Variants in XIRP2 observed in about 807,000 individuals in gnomAD.
The protein encoded by XIRP2 is xin actin binding repeat containing 2.
XIRP2 carries 236 observed loss-of-function variants against 277.0 expected under a neutral mutation model. The ratio of observed to expected loss-of-function variants is 0.85; its 90% confidence interval spans 0.77 to 0.95. The LOEUF (loss-of-function observed/expected upper bound fraction) is 0.95, where lower values mean the gene tolerates loss of function less well. Among genes scored for constraint, XIRP2 ranks in the 40% least tolerant of loss-of-function variants. The pLI is 0.00. For synonymous variants in XIRP2, 1,490 were observed against 1,416.5 expected, an observed-to-expected ratio of 1.05 and a Z score of -1.17; for missense variants, 4,640 against 4,157.5, an observed-to-expected ratio of 1.12 and a Z score of -3.19.
chr2:167,087,030 A>C (rs1689970506), intron 2 of XIRP2, among the ~76,000 whole-genome samples: 2 of 150,568 alleles, frequency 1.3e-5, no homozygotes, highest in South Asian at 4.2e-4. Flanking sequence ...TGCGTTTTAG[A>C]GTTTCCAGTT....
chr2:167,033,339 G>T (rs1480701382), intron 2 of XIRP2, among the ~76,000 whole-genome samples: 1 of 152,102 alleles, frequency 6.6e-6, no homozygotes, highest in African/African-American at 2.4e-5. Flanking sequence ...ACCTAATGTA[G>T]ATGAGGGGTT....
intron 2 of XIRP2, among the ~76,000 whole-genome samples, chr2:167,126,465 A>G (rs1691209268): frequency 6.6e-6 from 1 of 152,172 alleles, no homozygotes; most frequent in African/African-American, 2.4e-5. Context: ...TACATTACAC[A>G]GGAGCATACA....
chr2:166,988,555 G>A (rs941875137), intron 2 of XIRP2, among the ~76,000 whole-genome samples: 6 of 143,468 alleles, frequency 4.2e-5, no homozygotes, highest in East Asian at 2.4e-4. Context: ...CTGAGGTACC[G>A]GGTTCATCTC....
At position 167,250,280 on chromosome 2, in the gene XIRP2, A is replaced by C. The variant is rs775677870; in HGVS notation, c.8888A>C (p.Gln2963Pro). The change falls in exon 9 of 11, where the codon CAG (glutamine) becomes CCG (proline). Residue 2963 changes from glutamine to proline, a missense_variant. By Grantham distance (76) the Gln-to-Pro change is moderately conservative. Transcript: ENST00000409195. ...ELQQILSRVK[Q>P]FEAEPNKSGL... ...CAACAGATTTTGTCGAGAGTGAAAC[A>C]GTTTGAAGCAGAGCCAAATAAAAGT... 3.7e-6 allele frequency: 6 copies of C among 1,613,050 alleles called. No homozygotes were observed. Among genetic ancestry groups the C allele is most frequent in the Non-Finnish European group, 5.1e-6 (6 of 1,179,580 alleles).
chr2:167,214,964 C>T (rs762961450), intron 4 of XIRP2, among the ~76,000 whole-genome samples: 2 of 152,170 alleles, frequency 1.3e-5, no homozygotes, highest in African/African-American at 4.8e-5. Flanking sequence ...GGAGAGCATC[C>T]GGTCATAAGC....
intron 2 of XIRP2, among the ~76,000 whole-genome samples, chr2:166,938,358 T>C (rs192705467): frequency 6.6e-6 from 1 of 152,330 alleles, no homozygotes; most frequent in African/African-American, 2.4e-5. Context: ...ATGTACCCAG[T>C]AGTCATTCAG....
At chr2:167,016,458 G>A (rs1687829780) in intron 2 of XIRP2, among the ~76,000 whole-genome samples, 1 of 152,000 alleles carries the variant, frequency 6.6e-6, no homozygotes, top group East Asian at 1.9e-4. Flanking sequence ...GCAAGACAAA[G>A]CAAAACAAAA....
At chr2:166,978,694 T>A (rs557987892) in intron 2 of XIRP2, among the ~76,000 whole-genome samples, 40 of 152,216 alleles carry the variant, frequency 2.6e-4, no homozygotes, top group Middle Eastern at 3.4e-3. Flanking sequence ...TAAAAAATAA[T>A]TTTTCTAGCC....
chr2:167,250,497 G>GTCC lies in XIRP2; in HGVS notation c.9109_9111dup (p.Ser3037dup). ...AAAATATAATTCAGACAGCCATGAT[G>GTCC]TCCTCCAAAACAGGAAAACCGGGAA... On this transcript the variant is annotated inframe_insertion, in exon 9 of 11. Coordinates refer to ENST00000409195, the MANE Select transcript of XIRP2 (RefSeq NM_152381.6). 1.2e-6 allele frequency: 2 copies of GTCC among 1,613,564 alleles called. No homozygotes were observed. The highest frequency in any genetic ancestry group is 1.7e-6 in the Non-Finnish European group (2 of 1,179,712).
At chr2:166,941,489 C>A (rs753374460) in intron 2 of XIRP2, among the ~76,000 whole-genome samples, 1 of 152,204 alleles carries the variant, frequency 6.6e-6, no homozygotes, top group Non-Finnish European at 1.5e-5. Context: ...TGAGATGAAC[C>A]CAGTACCTCA....
Position 167,243,333 on chromosome 2 carries a change from C to A in XIRP2, c.1941C>A (p.Ala647=). ...ATGCAGAGAAAATTCCTGAGCTAGC[C>A]AGAGGAGATGTCTGCACAGCTCGGT... is the stretch of plus-strand genomic sequence containing the variant. ...VENAEKIPEL[A]RGDVCTARWM... is the part of the protein sequence containing the mutation. Residue 647 remains alanine, a synonymous_variant, in exon 9 of 11, where the codon GCC becomes GCA. Transcript: ENST00000409195. 6.2e-7 allele frequency: 1 copy of A among 1,613,988 alleles called. No homozygotes were observed. Among genetic ancestry groups the A allele is most frequent in the African/African-American group, 1.3e-5 (1 of 74,992 alleles).
chr2:167,117,659 A>G (rs970797973), intron 2 of XIRP2, among the ~76,000 whole-genome samples: 2 of 152,150 alleles, frequency 1.3e-5, no homozygotes, highest in Non-Finnish European at 2.9e-5. Flanking sequence ...AGCTGATTCT[A>G]CTGTAGACTT....
chr2:167,013,081 A>T (rs903113552), intron 2 of XIRP2, among the ~76,000 whole-genome samples: 7 of 151,378 alleles, frequency 4.6e-5, no homozygotes, highest in Admixed American at 4.0e-4. Context: ...TGACCAGTTA[A>T]ATTGTGTACC....
chr2:167,251,083 G>A lies in XIRP2; in HGVS notation c.9691G>A (p.Gly3231Ser), dbSNP rs1293329474. The change falls in exon 9 of 11, where the codon GGT (glycine) becomes AGT (serine). Residue 3231 changes from glycine (G) to serine (S), a missense_variant. Physicochemically the swap from Gly to Ser is moderately conservative, Grantham distance 56. Transcript: ENST00000409195. The part of the protein sequence containing the change: ...LRRQIKIETR[G>S]RDSPPTITIP... ...TCGTCAAATTAAGATAGAAACTCGT[G>A]GTAGGGACTCTCCACCTACAATCAC... The A allele has an allele frequency of 6.2e-7, 1 of 1,613,554 alleles. No homozygotes were observed. The highest frequency in any genetic ancestry group is 8.5e-7 in the Non-Finnish European group (1 of 1,179,750).
In XIRP2 at chr2:167,010,786, G is replaced by A. The variant is rs540506198; in HGVS notation, c.408+106896G>A. Among the ~76,000 whole-genome samples the A allele has an allele frequency of 3.0e-3, 454 of 151,754 alleles. 1 individual carries two copies. The highest frequency in any genetic ancestry group is 9.1e-3 in the African/African-American group (379 of 41,426). ...AGTTCTCCTTCAAGAGGTCCTTCAC[G>A]TCCCTTGTAAGTTGGATTCCTAGGT... On this transcript the variant is annotated intron_variant, in intron 2 of 10. Coordinates refer to ENST00000409195, the MANE Select transcript of XIRP2 (RefSeq NM_152381.6).
chr2:167,135,561 C>T (rs942723760), intron 2 of XIRP2, among the ~76,000 whole-genome samples: 1 of 151,894 alleles, frequency 6.6e-6, no homozygotes, highest in African/African-American at 2.4e-5. Context: ...TTTTGAAAGT[C>T]CCTCATCAAC....
intron 2 of XIRP2, among the ~76,000 whole-genome samples, chr2:167,004,838 A>G (rs1212458422): frequency 6.6e-6 from 1 of 151,910 alleles, no homozygotes; most frequent in East Asian, 1.9e-4. Flanking sequence ...CAATCCACCC[A>G]TCTAAAACAG....
At position 167,095,523 on chromosome 2, in the gene XIRP2, AG is replaced by A. The variant is rs1379380935; in HGVS notation, c.409-40382del. ...AGTTTATTGAGAGTTTTTTGCATGA[AG>A]GGGTGTTGAACTGTTTTGAAAGTCT... On this transcript the variant is annotated intron_variant, in intron 2 of 10. Coordinates refer to ENST00000409195, the MANE Select transcript of XIRP2 (RefSeq NM_152381.6). 2.0e-5 allele frequency among the ~76,000 whole-genome samples: 3 copies of A among 152,246 alleles called. No homozygotes were observed. In the East Asian group the frequency reaches 5.8e-4, roughly 29 times the overall value.
intron 2 of XIRP2, among the ~76,000 whole-genome samples, chr2:167,008,656 T>C (rs1345239238): frequency 1.3e-5 from 2 of 151,618 alleles, no homozygotes; most frequent in African/African-American, 4.8e-5. Flanking sequence ...AAATAGACAA[T>C]ACATTGTTGA....
Sources: allele counts gnomAD v4.1 joint callset (sites outside exome capture counted in the v4.1 genomes callset), GRCh38; gene constraint gnomAD v4.1.1; transcripts MANE v1.5; gene names NCBI Gene and HGNC (gene_info 2026-07-23, HGNC 2026-07-21).